DNMBP: variants seen among roughly 807,000 people sequenced by gnomAD.
The protein encoded by DNMBP is dynamin binding protein.
DNMBP carries 87 observed loss-of-function variants against 150.0 expected under a neutral mutation model. The ratio of observed to expected loss-of-function variants is 0.58; its 90% confidence interval spans 0.49 to 0.69. The LOEUF (loss-of-function observed/expected upper bound fraction) is 0.69, where lower values mean the gene tolerates loss of function less well. DNMBP is among the 30% of genes least tolerant of loss of function. DNMBP has a pLI of 0.00. For missense variants in DNMBP, 1,774 were observed against 1,949.0 expected (o/e 0.91, Z 1.69); for synonymous variants, 711 against 750.4 (o/e 0.95, Z 0.86).
chr10:99,881,043 T>C (rs892594149), intron 15 of DNMBP, among the ~76,000 whole-genome samples: 1 of 152,106 alleles, frequency 6.6e-6, no homozygotes, highest in African/African-American at 2.4e-5. Context: ...CTGGCCAACA[T>C]GGTGAAGCCC....
intron 1 of DNMBP, among the ~76,000 whole-genome samples, chr10:99,973,980 G>A (rs2040703447): frequency 1.3e-5 from 2 of 152,000 alleles, no homozygotes; most frequent in African/African-American, 2.4e-5. Context: ...GTGAGACTCA[G>A]AAAAGGAAAA....
In DNMBP at chr10:99,956,816, A is replaced by G. The variant is rs747967350; in HGVS notation, c.658T>C (p.Cys220Arg). ...ESVSSGNQDD[C>R]IVNGEVDTPV... ...GTATCTACTTCACCATTAACAATGCAGTCATCTTGATTTCCAGAACTTACT... is the reference window on the plus strand; with the variant it reads ...GTATCTACTTCACCATTAACAATGCGGTCATCTTGATTTCCAGAACTTACT... The change falls in exon 4 of 17, where the codon TGC (cysteine) becomes CGC (arginine). Residue 220 changes from cysteine (C) to arginine (R), a missense_variant. Physicochemically the swap from Cys to Arg is radical, Grantham distance 180 (BLOSUM62 -3). Transcript: ENST00000324109. 3.1e-6 allele frequency: 5 copies of G among 1,614,142 alleles called. No homozygotes were observed. Among genetic ancestry groups the G allele is most frequent in the Non-Finnish European group, 3.4e-6 (4 of 1,180,024 alleles).
chr10:99,950,319 G>C (rs892929865), intron 4 of DNMBP, among the ~76,000 whole-genome samples: 3 of 152,120 alleles, frequency 2.0e-5, no homozygotes, highest in African/African-American at 7.2e-5. Context: ...GCCCGGTCTT[G>C]GGTATGTCTT....
At chr10:99,971,672 C>T (rs2040678560) in intron 2 of DNMBP, among the ~76,000 whole-genome samples, 1 of 151,974 alleles carries the variant, frequency 6.6e-6, no homozygotes, top group Admixed American at 6.6e-5. Context: ...AGGCACGCGC[C>T]ACCACACCCA....
At chr10:99,990,073 A>G (rs1460691620) in intron 1 of DNMBP, among the ~76,000 whole-genome samples, 3 of 152,224 alleles carry the variant, frequency 2.0e-5, no homozygotes, top group Non-Finnish European at 2.9e-5. Context: ...ATGGTTTAAC[A>G]TACTGAACTG....
At chr10:99,914,781 T>A (rs141925370) in intron 4 of DNMBP, among the ~76,000 whole-genome samples, 207 of 152,036 alleles carry the variant, frequency 1.4e-3, no homozygotes, top group African/African-American at 4.7e-3. Flanking sequence ...CAAAAACCCA[T>A]ACATATTTCT....
At chr10:99,879,664 T>G (rs1485898011) in intron 16 of DNMBP, 147 bp downstream of exon 16, 2 of 1,406,202 alleles carry the variant, frequency 1.4e-6, no homozygotes, top group Non-Finnish European at 1.9e-6. Flanking sequence ...ATGGCAGAGA[T>G]TCCTTGTGTG....
At chr10:99,947,838 A>G (rs2133316128) in intron 4 of DNMBP, among the ~76,000 whole-genome samples, 1 of 152,268 alleles carries the variant, frequency 6.6e-6, no homozygotes, top group South Asian at 2.1e-4. Context: ...ATGCTCTTTT[A>G]ATGTTTTACA....
chr10:99,936,981 C>T (rs982973847), intron 4 of DNMBP, among the ~76,000 whole-genome samples: 3 of 152,170 alleles, frequency 2.0e-5, no homozygotes, highest in African/African-American at 7.2e-5. Context: ...TCACTGCAAC[C>T]TCTACATCTC....
At chr10:99,971,484 A>G (rs2040676447) in intron 2 of DNMBP, among the ~76,000 whole-genome samples, 1 of 151,890 alleles carries the variant, frequency 6.6e-6, no homozygotes, top group African/African-American at 2.4e-5. Flanking sequence ...GATTATAAGC[A>G]TGACCCACCA....
intron 1 of DNMBP, among the ~76,000 whole-genome samples, chr10:99,993,077 A>T (rs2040913649): frequency 6.6e-6 from 1 of 152,146 alleles, no homozygotes; most frequent in Admixed American, 6.6e-5. Flanking sequence ...TAAAAATAAA[A>T]ATAAAACCTG....
intron 1 of DNMBP, among the ~76,000 whole-genome samples, chr10:99,992,320 T>C (rs1564757169): frequency 7.0e-6 from 1 of 143,242 alleles, no homozygotes; most frequent in African/African-American, 2.7e-5. Flanking sequence ...GGCAGCTCCA[T>C]CCCTTATTAC....
At chr10:99,890,150 T>C (rs1416983141) in intron 11 of DNMBP, among the ~76,000 whole-genome samples, 2 of 152,354 alleles carry the variant, frequency 1.3e-5, no homozygotes, top group Non-Finnish European at 2.9e-5. Context: ...CCAGGGAATG[T>C]TGCTAATTCC....
chr10:99,976,851 A>C (rs1233518208), intron 1 of DNMBP, among the ~76,000 whole-genome samples: 1 of 152,072 alleles, frequency 6.6e-6, no homozygotes, highest in African/African-American at 2.4e-5. Flanking sequence ...TATGTTATTA[A>C]AACTATTCCT....
chr10:99,958,379 G>A (rs1203703335), intron 3 of DNMBP: 1 of 152,234 alleles, frequency 6.6e-6, no homozygotes, highest in Non-Finnish European at 1.5e-5. Flanking sequence ...TTTTACTGCT[G>A]AGGAGAAGCA....
chr10:100,004,389 C>T (rs999253855), intron 1 of DNMBP, among the ~76,000 whole-genome samples: 2 of 151,912 alleles, frequency 1.3e-5, no homozygotes, highest in African/African-American at 4.8e-5. Flanking sequence ...CTTGCTGTGC[C>T]AGTCATTAGG....
At chr10:99,915,269 A>G (rs1043478929) in intron 4 of DNMBP, among the ~76,000 whole-genome samples, 1 of 151,456 alleles carries the variant, frequency 6.6e-6, no homozygotes, top group Non-Finnish European at 1.5e-5. Context: ...GTAGAGAGAA[A>G]GGTCTGGAAG....
intron 1 of DNMBP, among the ~76,000 whole-genome samples, chr10:99,981,556 T>G (rs766482859): frequency 1.3e-5 from 2 of 152,220 alleles, no homozygotes; most frequent in Non-Finnish European, 2.9e-5. Context: ...TCACAAACTA[T>G]AAACTTTTAC....
chr10:99,954,011 G>C (rs542844736), intron 4 of DNMBP, among the ~76,000 whole-genome samples: 41 of 151,816 alleles, frequency 2.7e-4, no homozygotes, highest in African/African-American at 9.4e-4. Flanking sequence ...TGTCCCAGAG[G>C]TATATGTGTC....
Sources: gnomAD v4.1 joint callset for allele counts (sites outside exome capture counted in the v4.1 genomes callset) on GRCh38, gnomAD v4.1.1 for gene constraint, MANE v1.5 for transcripts, NCBI Gene and HGNC (gene_info 2026-07-23, HGNC 2026-07-21) for gene names.